STXBP3: variants seen among roughly 807,000 people sequenced by gnomAD.
STXBP3 encodes syntaxin binding protein 3.
Under a neutral mutation model 85.7 loss-of-function variants are expected in STXBP3, and 41 were observed. The observed-to-expected ratio is 0.48, with a 90% CI of 0.37 to 0.62. The LOEUF (loss-of-function observed/expected upper bound fraction) is 0.62, where lower values mean the gene tolerates loss of function less well. Among genes scored for constraint, STXBP3 ranks in the 20% least tolerant of loss-of-function variants. The pLI, the probability that STXBP3 is intolerant of heterozygous loss-of-function variation, is 0.00. For missense variants in STXBP3, 563 were observed against 703.1 expected (o/e 0.80, Z 2.25); for synonymous variants, 229 against 231.7 (o/e 0.99, Z 0.10).
At chr1:108,748,747 G>A (rs1030840869) in intron 1 of STXBP3, among the ~76,000 whole-genome samples, 14 of 151,564 alleles carry the variant, frequency 9.2e-5, no homozygotes, top group Admixed American at 2.6e-4. Flanking sequence ...TGGGAGGATC[G>A]CTGGAGCCTG....
chr1:108,781,498 A>G (rs547368564), intron 9 of STXBP3: 2 of 152,304 alleles, frequency 1.3e-5, no homozygotes, highest in East Asian at 3.9e-4. Flanking sequence ...AATCCCTTAA[A>G]TTGTTGCTCA....
At chr1:108,801,539 A>G (rs1663232410) in intron 17 of STXBP3, among the ~76,000 whole-genome samples, 1 of 152,066 alleles carries the variant, frequency 6.6e-6, no homozygotes, top group Non-Finnish European at 1.5e-5. Context: ...GAGGTCAGTC[A>G]GTTATCTGTT....
chr1:108,752,351 T>A, intron 2 of STXBP3, 45 bp downstream of exon 2: 1 of 1,552,674 alleles, frequency 6.4e-7, no homozygotes. Flanking sequence ...ATACAAACTT[T>A]AAAAACAATA....
At chr1:108,798,044 T>C in intron 15 of STXBP3, 101 bp from the exon 16 acceptor site, 5 of 988,172 alleles carry the variant, frequency 5.1e-6, no homozygotes, top group Non-Finnish European at 6.1e-6. Flanking sequence ...AAATACAATA[T>C]AGTATTTACT....
chr1:108,796,827 C>A, intron 15 of STXBP3, 101 bp downstream of exon 15: 2 of 730,232 alleles, frequency 2.7e-6, no homozygotes, highest in South Asian at 4.0e-5. Context: ...TTCTTAAGTT[C>A]ACTCTATAGA....
At chr1:108,807,187 G>A (rs1663356360) in intron 17 of STXBP3, among the ~76,000 whole-genome samples, 1 of 151,424 alleles carries the variant, frequency 6.6e-6, no homozygotes, top group African/African-American at 2.4e-5. Context: ...TGACCCAGGA[G>A]GCGGAGGTTG....
intron 12 of STXBP3, among the ~76,000 whole-genome samples, chr1:108,794,213 C>T (rs759701797): frequency 6.6e-6 from 1 of 152,160 alleles, no homozygotes; most frequent in African/African-American, 2.4e-5. Flanking sequence ...TCAAACTCAA[C>T]ACAAATTCAA....
At chr1:108,782,382 A>G in intron 9 of STXBP3, 40 bp from the exon 10 acceptor site, 1 of 1,457,066 alleles carries the variant, frequency 6.9e-7, no homozygotes, top group South Asian at 1.2e-5. Context: ...TTTTGGAGGG[A>G]AAAAAATCAA....
At chr1:108,762,531 A>G (rs1368520447) in intron 6 of STXBP3, among the ~76,000 whole-genome samples, 7 of 145,638 alleles carry the variant, frequency 4.8e-5, no homozygotes, top group African/African-American at 1.5e-4. Flanking sequence ...AAAACATTAT[A>G]AAAATCATAG....
intron 11 of STXBP3, among the ~76,000 whole-genome samples, chr1:108,787,620 T>G (rs1384251099): frequency 6.6e-6 from 1 of 152,066 alleles, no homozygotes; most frequent in Non-Finnish European, 1.5e-5. Context: ...ATCAAACTGG[T>G]GATAATGAGC....
intron 6 of STXBP3, among the ~76,000 whole-genome samples, 173 bp from the exon 7 acceptor site, chr1:108,772,477 AATATATAAATACATG>A (rs1341638773): frequency 6.9e-6 from 1 of 145,612 alleles, no homozygotes; most frequent in African/African-American, 2.5e-5. Context: ...CTATCTGTAT[AATATATAAATACATG>A]ATATCTATCT....
chr1:108,773,505 A>G (rs1281557383), intron 7 of STXBP3, among the ~76,000 whole-genome samples: 11 of 152,202 alleles, frequency 7.2e-5, no homozygotes, highest in Admixed American at 7.2e-4. Context: ...AAATGTGACT[A>G]TATGTACATT....
intron 3 of STXBP3, among the ~76,000 whole-genome samples, chr1:108,754,666 G>A (rs999906661): frequency 3.3e-5 from 5 of 152,092 alleles, no homozygotes; most frequent in Non-Finnish European, 7.3e-5. Context: ...GGATTCCATG[G>A]CCAGTACATT....
At chr1:108,800,135 T>G (rs546282952) in intron 16 of STXBP3, 85 bp from the exon 17 acceptor site, 1 of 899,352 alleles carries the variant, frequency 1.1e-6, no homozygotes, top group South Asian at 1.4e-5. Context: ...GTTCCTCAAT[T>G]GCAAATGCAA....
At chr1:108,796,500 A>G in intron 14 of STXBP3, 120 bp from the exon 15 acceptor site, 2 of 1,156,742 alleles carry the variant, frequency 1.7e-6, no homozygotes, top group Non-Finnish European at 2.4e-6. Context: ...AGAAGACTGA[A>G]GGAGATATAA....
chr1:108,752,435 A>G, intron 2 of STXBP3, 129 bp downstream of exon 2: 2 of 757,226 alleles, frequency 2.6e-6, no homozygotes, highest in Non-Finnish European at 2.1e-6. Context: ...AATTTGACGT[A>G]TGTGGGAGGA....
chr1:108,787,653 T>C (rs564502842), intron 11 of STXBP3, among the ~76,000 whole-genome samples: 1 of 152,290 alleles, frequency 6.6e-6, no homozygotes, highest in East Asian at 1.9e-4. Flanking sequence ...TTCCCAGCTT[T>C]ATGGGAAATG....
chr1:108,794,046 A>G (rs1663035041), intron 12 of STXBP3, among the ~76,000 whole-genome samples: 1 of 152,246 alleles, frequency 6.6e-6, no homozygotes, highest in African/African-American at 2.4e-5. Flanking sequence ...GCTCCTTAAA[A>G]ACACTATCAG....
intron 8 of STXBP3, among the ~76,000 whole-genome samples, chr1:108,776,720 T>C (rs1662600030): frequency 6.6e-6 from 1 of 152,208 alleles, no homozygotes; most frequent in Non-Finnish European, 1.5e-5. Context: ...TCTATGTAAC[T>C]ACATTTTCTT....
Sources: gnomAD v4.1 joint callset for allele counts (sites outside exome capture counted in the v4.1 genomes callset) on GRCh38, gnomAD v4.1.1 for gene constraint, MANE v1.5 for transcripts, NCBI Gene and HGNC (gene_info 2026-07-23, HGNC 2026-07-21) for gene names.